Variants in B4GALT5 observed in about 807,000 individuals in gnomAD.
B4GALT5 encodes the protein UDP-Gal:beta-GlcNAc beta-1,4-galactosyltransferase 5.
B4GALT5 carries 11 observed loss-of-function variants against 45.0 expected under a neutral mutation model. The observed-to-expected ratio is 0.24, with a 90% CI of 0.15 to 0.40. B4GALT5 has a LOEUF of 0.40. Ranked by LOEUF, B4GALT5 falls within the 10% of genes least tolerant of loss-of-function variation. The pLI is 1.00. For synonymous variants in B4GALT5, 185 were observed against 182.9 expected, an observed-to-expected ratio of 1.01 and a Z score of -0.09; for missense variants, 337 against 500.2, an observed-to-expected ratio of 0.67 and a Z score of 3.11.
chr20:49,674,537 G>T (rs116734774), intron 1 of B4GALT5, among the ~76,000 whole-genome samples: 2,275 of 151,632 alleles, frequency 0.015, 55 homozygotes, highest in African/African-American at 0.052. Context: ...ACTTTTTTTA[G>T]TGAGTCTGCA....
intron 1 of B4GALT5, among the ~76,000 whole-genome samples, chr20:49,664,215 A>G (rs984594809): frequency 1.4e-4 from 22 of 152,208 alleles, no homozygotes; most frequent in African/African-American, 5.1e-4. Flanking sequence ...AAACAAGAAG[A>G]TAAATCTAGA....
intron 1 of B4GALT5, among the ~76,000 whole-genome samples, chr20:49,682,070 T>C (rs1179883635): frequency 6.6e-6 from 1 of 152,340 alleles, no homozygotes; most frequent in South Asian, 2.1e-4. Flanking sequence ...CACTCCAGCC[T>C]GGACAAAGGA....
chr20:49,697,899 T>C (rs1450457972), intron 1 of B4GALT5, among the ~76,000 whole-genome samples: 1 of 152,230 alleles, frequency 6.6e-6, no homozygotes, highest in Non-Finnish European at 1.5e-5. Flanking sequence ...TGTTTTCTTT[T>C]AGCAAAGTCT....
chr20:49,652,095 C>T (rs1319784797), intron 2 of B4GALT5, among the ~76,000 whole-genome samples: 1 of 151,980 alleles, frequency 6.6e-6, no homozygotes, highest in Non-Finnish European at 1.5e-5. Flanking sequence ...AACAAACAAA[C>T]AAAATTCTAA....
At chr20:49,639,116 C>T (rs1351828050) in intron 7 of B4GALT5, among the ~76,000 whole-genome samples, 1 of 152,028 alleles carries the variant, frequency 6.6e-6, no homozygotes, top group African/African-American at 2.4e-5. Context: ...AAAATAAACT[C>T]AATGAAATGG....
chr20:49,674,505 TA>T (rs1349300002), intron 1 of B4GALT5, among the ~76,000 whole-genome samples: 4 of 152,076 alleles, frequency 2.6e-5, no homozygotes, highest in Non-Finnish European at 5.9e-5. Flanking sequence ...ACTTTGGAAT[TA>T]CAAAATCCCA....
At chr20:49,660,635 C>G (rs1045984069) in intron 1 of B4GALT5, among the ~76,000 whole-genome samples, 6 of 152,158 alleles carry the variant, frequency 3.9e-5, no homozygotes, top group African/African-American at 1.4e-4. Flanking sequence ...CTGTGCAATG[C>G]TCATGTAGTT....
chr20:49,649,318 C>T (rs954311675), intron 2 of B4GALT5, among the ~76,000 whole-genome samples: 1 of 152,132 alleles, frequency 6.6e-6, no homozygotes, highest in Non-Finnish European at 1.5e-5. Context: ...GTGGCTCATG[C>T]CTATAATCCC....
intron 1 of B4GALT5, among the ~76,000 whole-genome samples, chr20:49,671,236 G>A (rs1317844183): frequency 1.3e-5 from 2 of 152,020 alleles, no homozygotes; most frequent in Non-Finnish European, 2.9e-5. Context: ...AAAATTAACC[G>A]GGTGTGGTGG....
intron 1 of B4GALT5, among the ~76,000 whole-genome samples, chr20:49,687,557 T>C (rs924858667): frequency 2.0e-5 from 3 of 151,902 alleles, no homozygotes; most frequent in Non-Finnish European, 2.9e-5. Context: ...GGCAGGAGAA[T>C]TGCTTGAACT....
intron 1 of B4GALT5, among the ~76,000 whole-genome samples, chr20:49,701,118 T>C (rs1176576238): frequency 1.3e-5 from 2 of 152,220 alleles, no homozygotes; most frequent in African/African-American, 2.4e-5. Flanking sequence ...TTCATCACTG[T>C]ATCCTTCAAG....
At chr20:49,641,503 T>G (rs1351546358) in intron 5 of B4GALT5, among the ~76,000 whole-genome samples, 2 of 152,196 alleles carry the variant, frequency 1.3e-5, no homozygotes, top group African/African-American at 4.8e-5. Flanking sequence ...ACAGCCTAAT[T>G]AGTGTTACAG....
chr20:49,701,754 C>T (rs1310421313), intron 1 of B4GALT5, among the ~76,000 whole-genome samples: 1 of 152,140 alleles, frequency 6.6e-6, no homozygotes, highest in Non-Finnish European at 1.5e-5. Flanking sequence ...ATAAATGATG[C>T]TGATTAATGG....
At chr20:49,680,079 G>A (rs1859336733) in intron 1 of B4GALT5, among the ~76,000 whole-genome samples, 2 of 152,140 alleles carry the variant, frequency 1.3e-5, no homozygotes, top group Admixed American at 1.3e-4. Context: ...TATTTCAAAT[G>A]AGACAAGCTT....
chr20:49,650,631 C>A (rs2085618427), intron 2 of B4GALT5, among the ~76,000 whole-genome samples: 1 of 151,798 alleles, frequency 6.6e-6, no homozygotes, highest in Non-Finnish European at 1.5e-5. Flanking sequence ...CAGCAAAACT[C>A]CATCATAAAC....
chr20:49,706,181 G>C (rs1001889138), intron 1 of B4GALT5, among the ~76,000 whole-genome samples: 3 of 142,130 alleles, frequency 2.1e-5, no homozygotes, highest in Non-Finnish European at 4.6e-5. Flanking sequence ...GGCAACAAGA[G>C]AGCGAAACTC....
At chr20:49,691,673 A>G (rs767750829) in intron 1 of B4GALT5, among the ~76,000 whole-genome samples, 1 of 152,188 alleles carries the variant, frequency 6.6e-6, no homozygotes, top group South Asian at 2.1e-4. Context: ...ATATAATGTA[A>G]GCTCAATTAC....
At chr20:49,647,284 T>A (rs1268485130) in intron 2 of B4GALT5, among the ~76,000 whole-genome samples, 1 of 152,238 alleles carries the variant, frequency 6.6e-6, no homozygotes, top group Non-Finnish European at 1.5e-5. Flanking sequence ...AGTGTTCCTA[T>A]TCCTATTGAT....
At position 49,676,880 on chromosome 20, in the gene B4GALT5, G is replaced by A. The variant is rs146858927; in HGVS notation, c.116-20178C>T. 4.6e-3 allele frequency among the ~76,000 whole-genome samples: 703 copies of A among 152,340 alleles called. 1 individual carries two copies. The highest frequency in any genetic ancestry group is 7.5e-3 in the Non-Finnish European group (512 of 68,026). ...ATGACTAGCACTGCTGTTTTTTGAT[G>A]AGTCATCAAGGGCAGTCATGCTGAA... On this transcript the variant is annotated intron_variant, in intron 1 of 8. Transcript: ENST00000371711.
Sources: allele counts gnomAD v4.1 joint callset (sites outside exome capture counted in the v4.1 genomes callset), GRCh38; gene constraint gnomAD v4.1.1; transcripts MANE v1.5; gene names NCBI Gene and HGNC (gene_info 2026-07-23, HGNC 2026-07-21).